COL12A1: variants seen among roughly 807,000 people sequenced by gnomAD.
COL12A1 encodes collagen alpha-1(XII) chain.
A neutral mutation model predicts 349.7 loss-of-function variants in COL12A1; 114 were observed. The ratio of observed to expected loss-of-function variants is 0.33; its 90% CI spans 0.28 to 0.38. The LOEUF is 0.38. COL12A1 is among the 10% of genes least tolerant of loss of function. The pLI, the probability that COL12A1 is intolerant of heterozygous loss-of-function variation, is 1.00. For missense variants in COL12A1, 3,284 were observed against 3,756.9 expected (o/e 0.87, Z 3.29); for synonymous variants, 1,369 against 1,329.0 (o/e 1.03, Z -0.66).
intron 13 of COL12A1, among the ~76,000 whole-genome samples, chr6:75,167,130 C>T (rs1219459044): frequency 1.3e-5 from 2 of 152,140 alleles, no homozygotes; most frequent in Non-Finnish European, 2.9e-5. Context: ...CTTTAGCTGT[C>T]TTTACTATGT....
At chr6:75,117,713 G>T in intron 46 of COL12A1, 167 bp from the exon 47 acceptor site, 2 of 584,260 alleles carry the variant, frequency 3.4e-6, no homozygotes, top group Non-Finnish European at 5.6e-6. Context: ...ACTTTTTCCA[G>T]GTCTTTCTAT....
chr6:75,146,115 G>C lies in COL12A1; in HGVS notation c.4547C>G (p.Thr1516Arg), dbSNP rs1227332071. The part of the protein sequence containing the change: ...SYKPVKDTEP[T>R]RPKEVRLGPT... ...AACATCTTTCACCTCTTTGGGTCTTGTTGGCTCTGTGTCCTTAACAGGTTT... is the reference window on the plus strand; with the variant it reads ...AACATCTTTCACCTCTTTGGGTCTTCTTGGCTCTGTGTCCTTAACAGGTTT... Residue 1516 changes from threonine (T) to arginine (R), a missense_variant, in exon 24 of 66, where the codon ACA (threonine) becomes AGA (arginine). Thr to Arg is a moderately conservative substitution (Grantham distance 71). Around this residue, in one of 2 missense-constraint regions of COL12A1, gnomAD observed 2,601 missense variants for 2,824.8 expected, o/e 0.92. Coordinates refer to ENST00000322507, the MANE Select transcript of COL12A1 (RefSeq NM_004370.6). 6.2e-7 allele frequency: 1 copy of C among 1,602,034 alleles called. No individual in the cohort carries two copies. Among genetic ancestry groups the C allele is most frequent in the African/African-American group, 1.3e-5 (1 of 74,318 alleles).
rs370797472 is a variant in COL12A1, at chr6:75,200,629, C to T, written c.73+2091G>A. On this transcript the variant is annotated intron_variant, in intron 2 of 65. Transcript: ENST00000322507. ...TGCACTGTAAGTATAAAATACACACCCAATTGTCAAAGACTTAGTACAAAA... is the reference window on the plus strand; with the variant it reads ...TGCACTGTAAGTATAAAATACACACTCAATTGTCAAAGACTTAGTACAAAA... 2.6e-4 allele frequency among the ~76,000 whole-genome samples: 40 copies of T among 152,002 alleles called. No homozygotes were observed. In the Middle Eastern group the frequency reaches 0.01, roughly 39 times the overall value.
At chr6:75,138,601 A>G in intron 28 of COL12A1, 21 bp from the exon 29 acceptor site, 1 of 1,611,240 alleles carries the variant, frequency 6.2e-7, no homozygotes, top group Non-Finnish European at 8.5e-7. Flanking sequence ...GAGGACAAAA[A>G]CATACCCACG....
chr6:75,098,932 T>A (rs983513936), intron 58 of COL12A1, among the ~76,000 whole-genome samples: 5 of 152,180 alleles, frequency 3.3e-5, no homozygotes, highest in African/African-American at 9.6e-5. Context: ...GTCATCCTGC[T>A]ACCCAGTTAG....
At position 75,184,038 on chromosome 6, in the gene COL12A1, G is replaced by C; in HGVS notation, c.1104C>G (p.Leu368=). Residue 368 remains leucine (L), a synonymous_variant, in exon 9 of 66, where the codon CTC becomes CTG. Transcript: ENST00000322507. ...GTCGGCTTCCTGCAGTCATTGGTGT[G>C]AGGATGACTTTGTAGCCAGTCACTG... The part of the protein sequence containing the change: ...PSPVTGYKVI[L]TPMTAGSRQH... 6.2e-7 allele frequency: 1 copy of C among 1,614,162 alleles called. No homozygotes were observed. Among genetic ancestry groups the C allele is most frequent in the Non-Finnish European group, 8.5e-7 (1 of 1,180,016 alleles).
chr6:75,166,367 C>T (rs1369416636), intron 13 of COL12A1, among the ~76,000 whole-genome samples: 1 of 152,126 alleles, frequency 6.6e-6, no homozygotes, highest in Non-Finnish European at 1.5e-5. Flanking sequence ...TAGCTTAACC[C>T]TAACAAAATT....
chr6:75,139,203 C>A (rs921506764), intron 27 of COL12A1, among the ~76,000 whole-genome samples: 3 of 151,786 alleles, frequency 2.0e-5, no homozygotes, highest in Non-Finnish European at 2.9e-5. Context: ...CATTTAGTAC[C>A]TTTCTCCAAC....
chr6:75,094,624 TA>T (rs1767923325), intron 60 of COL12A1, among the ~76,000 whole-genome samples: 1 of 152,174 alleles, frequency 6.6e-6, no homozygotes. Context: ...ATGATAAAGT[TA>T]ATAAATAATT....
intron 46 of COL12A1, 28 bp downstream of exon 46, chr6:75,119,015 G>C (rs1357161002): frequency 1.2e-6 from 2 of 1,611,086 alleles, no homozygotes; most frequent in Non-Finnish European, 8.5e-7. Flanking sequence ...AAAATTTCAA[G>C]TGCAATCAAA....
intron 36 of COL12A1, 115 bp downstream of exon 36, chr6:75,130,737 T>C: frequency 7.5e-7 from 1 of 1,342,126 alleles, no homozygotes; most frequent in Non-Finnish European, 1.0e-6. Context: ...ATGTAGGGGA[T>C]CCCAGGCAGA....
At chr6:75,133,800 T>C (rs1487548522) in intron 33 of COL12A1, 58 bp downstream of exon 33, 3 of 1,597,094 alleles carry the variant, frequency 1.9e-6, no homozygotes, top group African/African-American at 2.7e-5. Flanking sequence ...GTTCCACTTT[T>C]AAATCACTCA....
intron 14 of COL12A1, among the ~76,000 whole-genome samples, chr6:75,161,360 C>G (rs1302487535): frequency 6.6e-6 from 1 of 152,082 alleles, no homozygotes; most frequent in Non-Finnish European, 1.5e-5. Context: ...CTGTATTTTA[C>G]TAGCATTATT....
At chr6:75,145,037 A>C (rs765806603) in intron 25 of COL12A1, among the ~76,000 whole-genome samples, 12 of 152,314 alleles carry the variant, frequency 7.9e-5, no homozygotes, top group Admixed American at 5.2e-4. Flanking sequence ...TATGCTGTAC[A>C]TTCTGATTGG....
rs1562242220 is a variant in COL12A1 at position 75,156,239 on chromosome 6, A to G, written c.3250+18T>C. 2 of 1,611,752 alleles carry G rather than the reference A, an allele frequency of 1.2e-6. No homozygotes were observed. The highest frequency in any genetic ancestry group is 1.7e-6 in the Non-Finnish European group (2 of 1,178,494). ...CATTACCTTCTCTCCCCCTCAAAAT[A>G]TAATTATTATTTCATACCTGTTGTT... On this transcript the variant is annotated intron_variant, in intron 15 of 65. Coordinates refer to ENST00000322507, the MANE Select transcript of COL12A1 (RefSeq NM_004370.6).
Position 75,085,169 on chromosome 6 carries a change from G to A in COL12A1, c.*1378C>T, listed in dbSNP as rs1456967194. 1 of 458,060 alleles carries A rather than the reference G, an allele frequency of 2.2e-6. No homozygotes were observed. Among genetic ancestry groups the A allele is most frequent in the Non-Finnish European group, 4.5e-6 (1 of 222,346 alleles). 28.4% of individuals were successfully genotyped at this position (458,060 alleles called of 1,614,324 possible). On this transcript the variant is annotated 3_prime_UTR_variant, in exon 66 of 66. Transcript: ENST00000322507. Reference sequence around the variant, plus strand: ...TTCAACACCTCCCCCAAGCCTCGCGGCGCGGCGCGTGATCTCTGGTTCACT... The same window carrying A: ...TTCAACACCTCCCCCAAGCCTCGCGACGCGGCGCGTGATCTCTGGTTCACT...
At chr6:75,102,322 AG>A in intron 56 of COL12A1, among the ~76,000 whole-genome samples, 1 of 152,318 alleles carries the variant, frequency 6.6e-6, no homozygotes, top group Middle Eastern at 3.4e-3. Flanking sequence ...CTACCTTAAA[AG>A]AATATAGTTT....
Position 75,145,465 on chromosome 6 carries a change from G to A in COL12A1, c.4561-10C>T. 6.2e-7 allele frequency: 1 copy of A among 1,610,558 alleles called. No individual in the cohort carries two copies. The highest frequency in any genetic ancestry group is 1.1e-5 in the South Asian group (1 of 90,410). ...TTGGCCCCAAACGCACCTGCACATG[G>A]ATATGTGGAGCAGAAATAAGATATT... is the stretch of plus-strand genomic sequence containing the variant. On this transcript the variant is annotated splice_polypyrimidine_tract_variant and intron_variant, in intron 24 of 65. Transcript: ENST00000322507.
chr6:75,205,406 C>G (rs778708058), intron 1 of COL12A1, among the ~76,000 whole-genome samples: 20 of 151,874 alleles, frequency 1.3e-4, no homozygotes, highest in Non-Finnish European at 2.4e-4. Flanking sequence ...CTGCCCTCCC[C>G]GACAAAGCCA....
Sources: allele counts gnomAD v4.1 joint callset (sites outside exome capture counted in the v4.1 genomes callset), GRCh38; gene constraint gnomAD v4.1.1; regional missense constraint gnomAD v4.1.1; transcripts MANE v1.5; gene names NCBI Gene and HGNC (gene_info 2026-07-23, HGNC 2026-07-21).